Variants in MYOM1 observed in about 807,000 individuals in gnomAD.
MYOM1 encodes myomesin-1.
In MYOM1, 164 loss-of-function variants were observed where a neutral mutation model predicts 205.3. The observed-to-expected ratio is 0.80, with a 90% CI of 0.70 to 0.91. MYOM1 has a LOEUF of 0.91. MYOM1 is among the 40% of genes least tolerant of loss of function. The pLI, the probability that MYOM1 is intolerant of heterozygous loss-of-function variation, is 0.00. For synonymous variants in MYOM1, 772 were observed against 789.4 expected, an observed-to-expected ratio of 0.98 and a Z score of 0.37; for missense variants, 2,011 against 2,127.3, an observed-to-expected ratio of 0.95 and a Z score of 1.08.
intron 9 of MYOM1, among the ~76,000 whole-genome samples, chr18:3,166,421 C>T (rs1598737822): frequency 6.6e-6 from 1 of 152,112 alleles, no homozygotes; most frequent in East Asian, 1.9e-4. Flanking sequence ...CAGGCATGCA[C>T]CACCACGCCT....
chr18:3,125,687 C>T (rs916836124), intron 19 of MYOM1, among the ~76,000 whole-genome samples: 2 of 152,166 alleles, frequency 1.3e-5, no homozygotes, highest in Non-Finnish European at 2.9e-5. Flanking sequence ...CCTGGCCTCA[C>T]CCTGCTCTGA....
intron 2 of MYOM1, among the ~76,000 whole-genome samples, chr18:3,200,724 TCAGA>T (rs2081055021): frequency 3.9e-5 from 6 of 151,900 alleles, no homozygotes; most frequent in Admixed American, 3.9e-4. Context: ...TAAAAGAGCC[TCAGA>T]AACGTGTGAG....
chr18:3,212,164 A>C (rs926543521), intron 2 of MYOM1, among the ~76,000 whole-genome samples: 1 of 152,200 alleles, frequency 6.6e-6, no homozygotes, highest in Non-Finnish European at 1.5e-5. Context: ...ACATATTGGC[A>C]TTTTCCCTCC....
At chr18:3,200,193 A>T (rs2081047558) in intron 2 of MYOM1, among the ~76,000 whole-genome samples, 1 of 152,154 alleles carries the variant, frequency 6.6e-6, no homozygotes, top group Non-Finnish European at 1.5e-5. Flanking sequence ...AACAAAAACA[A>T]AAAAACCCAA....
chr18:3,153,255 C>T (rs534116860), intron 11 of MYOM1, among the ~76,000 whole-genome samples: 66 of 152,304 alleles, frequency 4.3e-4, no homozygotes, highest in African/African-American at 1.6e-3. Context: ...TACAGCCAGG[C>T]TCACATCTGA....
chr18:3,075,858 C>T (rs1416101322), intron 34 of MYOM1, 97 bp from the exon 35 acceptor site: 7 of 1,094,482 alleles, frequency 6.4e-6, no homozygotes, highest in Non-Finnish European at 9.4e-6. Flanking sequence ...TGTGATCGGT[C>T]CAGACATGAC....
At chr18:3,237,292 T>G in the MYOM1 span, among the ~76,000 whole-genome samples, 65 of 152,124 alleles carry the variant, frequency 4.3e-4, 3 homozygotes, top group South Asian at 0.013. Flanking sequence ...TCGTGGAATA[T>G]CATTCAGCCT....
upstream of MYOM1, among the ~76,000 whole-genome samples, chr18:3,222,793 G>A (rs2081337411): frequency 2.0e-5 from 3 of 152,094 alleles, no homozygotes; most frequent in African/African-American, 7.2e-5. Context: ...ATATATAGGA[G>A]GCTATGCTCT....
chr18:3,203,310 GA>G (rs1211049199), intron 2 of MYOM1, among the ~76,000 whole-genome samples: 1 of 150,714 alleles, frequency 6.6e-6, no homozygotes, highest in Non-Finnish European at 1.5e-5. Flanking sequence ...AAATGAAAAA[GA>G]AAACAGAAAA....
At chr18:3,124,303 C>CTTT (rs34118507) in intron 19 of MYOM1, among the ~76,000 whole-genome samples, 18,338 of 130,786 alleles carry the variant, frequency 0.14, 1,642 homozygotes, top group East Asian at 0.29. Context: ...TTTCTTTTTT[C>CTTT]TTTTTTTTTT....
chr18:3,247,281 GCTAGCAT>G, the MYOM1 span: 1 of 152,300 alleles, frequency 6.6e-6, no homozygotes, highest in Non-Finnish European at 1.5e-5. Context: ...TGCACACAGA[GCTAGCAT>G]CAAGATCCGC....
At chr18:3,148,714 CG>C (rs1377499609) in intron 13 of MYOM1, among the ~76,000 whole-genome samples, 1 of 150,946 alleles carries the variant, frequency 6.6e-6, no homozygotes, top group Non-Finnish European at 1.5e-5. Context: ...GGCGTAGTGG[CG>C]GGCGCCTGTA....
chr18:3,068,846 G>A (rs2078928255), intron 37 of MYOM1, among the ~76,000 whole-genome samples: 1 of 152,132 alleles, frequency 6.6e-6, no homozygotes, highest in African/African-American at 2.4e-5. Context: ...TTTTATGTGA[G>A]CATAAGCTGT....
chr18:3,151,774 T>C lies in MYOM1; in HGVS notation c.1763A>G (p.Asn588Ser), dbSNP rs2080225793. 1.9e-6 allele frequency: 3 copies of C among 1,613,852 alleles called. No individual in the cohort carries two copies. Residue 588 changes from asparagine to serine, a missense_variant, in exon 12 of 38, where the codon AAT becomes AGT. Coordinates refer to ENST00000356443, the MANE Select transcript of MYOM1 (RefSeq NM_003803.4). The part of the protein sequence containing the change: ...RSYIFRVRAV[N>S]KMGIGFPSRV... Reference sequence around the variant, plus strand: ...AGATGGGAAACCTATTCCCATTTTATTCACAGCTCGAACTCGGAAGATATA... The same window carrying C: ...AGATGGGAAACCTATTCCCATTTTACTCACAGCTCGAACTCGGAAGATATA...
intron 19 of MYOM1, among the ~76,000 whole-genome samples, chr18:3,124,273 T>C (rs2079742960): frequency 6.7e-6 from 1 of 150,228 alleles, no homozygotes; most frequent in East Asian, 1.9e-4. Context: ...CCCTGCAGAA[T>C]AGCAGGCAGA....
At chr18:3,246,467 G>A in the MYOM1 span, 1 of 152,138 alleles carries the variant, frequency 6.6e-6, no homozygotes, top group Non-Finnish European at 1.5e-5. Context: ...TACCATCAAG[G>A]AAGTTTGGGA....
chr18:3,084,973 G>A (rs1567896858), intron 31 of MYOM1, 72 bp downstream of exon 31: 4 of 1,134,786 alleles, frequency 3.5e-6, no homozygotes, highest in South Asian at 1.6e-5. Flanking sequence ...TCGTCAGCTC[G>A]GCCTCAATCA....
At chr18:3,166,428 G>A (rs541428213) in intron 9 of MYOM1, among the ~76,000 whole-genome samples, 4 of 151,878 alleles carry the variant, frequency 2.6e-5, no homozygotes, top group Admixed American at 1.3e-4. Flanking sequence ...GCACCACCAC[G>A]CCTGGCTAAT....
rs768319412 is a variant in MYOM1, at chr18:3,086,126, T to A, written c.4163A>T (p.His1388Leu). The change falls in exon 30 of 38, where the codon CAT becomes CTT. Residue 1388 changes from histidine (H) to leucine (L), a missense_variant. His to Leu is a moderately conservative substitution (Grantham distance 99, BLOSUM62 -3). Transcript: ENST00000356443. ...CKVANIKKET[H>L]IVWYKDEREI... ...CCTCTCATCTTTGTACCACACAATA[T>A]GAGTCTCCTTCTTAATATTTGCCAC... 26 of 1,606,548 alleles carry A rather than the reference T, an allele frequency of 1.6e-5. No individual in the cohort carries two copies. The highest frequency in any genetic ancestry group is 2.2e-5 in the Non-Finnish European group (26 of 1,177,494).
Sources: gnomAD v4.1 joint callset for allele counts (sites outside exome capture counted in the v4.1 genomes callset) on GRCh38, gnomAD v4.1.1 for gene constraint, MANE v1.5 for transcripts, NCBI Gene and HGNC (gene_info 2026-07-23, HGNC 2026-07-21) for gene names.